Variants in DNAH3 observed in about 807,000 individuals in gnomAD.
DNAH3 encodes dynein axonemal heavy chain 3, also known as axonemal beta dynein heavy chain 3.
Under a neutral mutation model 432.5 loss-of-function variants are expected in DNAH3, and 332 were observed. The ratio of observed to expected loss-of-function variants is 0.77; its 90% CI spans 0.70 to 0.84. The LOEUF (loss-of-function observed/expected upper bound fraction) is 0.84. Among genes scored for constraint, DNAH3 ranks in the 40% least tolerant of loss-of-function variants. The pLI is 0.00. For synonymous variants in DNAH3, 1,956 were observed against 1,900.2 expected (o/e 1.03, Z -0.76); for missense variants, 4,861 against 5,114.0 (o/e 0.95, Z 1.51).
At chr16:20,985,093 T>C (rs1422680080) in exon 48 of DNAH3, 2 of 1,613,388 alleles carry the variant, frequency 1.2e-6, no homozygotes, top group Non-Finnish European at 1.7e-6. Flanking sequence ...AATAAAGAAG[T>C]TATACATAGA....
rs951680456 is a variant in DNAH3, at chr16:20,935,438, G to C, written c.11907C>G (p.Phe3969Leu). 2.5e-6 allele frequency: 4 copies of C among 1,612,068 alleles called. No individual in the cohort carries two copies. In the African/African-American group the frequency reaches 5.4e-5, roughly 22 times the overall value. Residue 3969 changes from phenylalanine to leucine, a missense_variant, in exon 61 of 62, where the codon TTC (phenylalanine) becomes TTG (leucine). Physicochemically the swap from Phe to Leu is conservative, Grantham distance 22. Coordinates refer to ENST00000261383, the Ensembl canonical transcript of DNAH3. The stretch of plus-strand genomic sequence containing the variant: ...CAGTCAAAAAAGACTGTGTGAAGTA[G>C]AATCCAGAGATCCAAAATACCACAG...
chr16:21,084,484 G>A (rs572084759), intron 19 of DNAH3, among the ~76,000 whole-genome samples: 8 of 152,000 alleles, frequency 5.3e-5, no homozygotes, highest in African/African-American at 1.2e-4. Context: ...CACCACGCCC[G>A]GCTAATTTTT....
intron 1 of DNAH3, among the ~76,000 whole-genome samples, chr16:21,154,229 C>A (rs990255990): frequency 5.9e-5 from 9 of 152,198 alleles, no homozygotes; most frequent in African/African-American, 1.9e-4. Context: ...CATGGTGAAA[C>A]CCCGTCTCTA....
intron 9 of DNAH3, among the ~76,000 whole-genome samples, 184 bp downstream of exon 10, chr16:21,124,991 A>G (rs1254935174): frequency 2.0e-5 from 3 of 152,096 alleles, no homozygotes; most frequent in African/African-American, 2.4e-5. Flanking sequence ...GGAACATTCA[A>G]TATCCTTCTT....
At chr16:21,136,576 G>A (rs1456170167) in intron 5 of DNAH3, 63 bp from the exon 7 acceptor site, 4 of 1,488,876 alleles carry the variant, frequency 2.7e-6, no homozygotes, top group African/African-American at 1.4e-5. Context: ...CAACTGTCCT[G>A]CCCATCAGCT....
chr16:20,952,690 T>C (rs2084369904), intron 55 of DNAH3, 141 bp from the exon 56 acceptor site: 1 of 609,564 alleles, frequency 1.6e-6, no homozygotes, highest in South Asian at 1.8e-5. Context: ...AGGCCAACTA[T>C]TAGCCTGGAC....
chr16:21,053,189 CTTCT>C (rs1197516984), intron 28 of DNAH3, among the ~76,000 whole-genome samples: 1 of 152,120 alleles, frequency 6.6e-6, no homozygotes, highest in African/African-American at 2.4e-5. Flanking sequence ...GTGACAGAGT[CTTCT>C]TTATTACAGT....
At chr16:21,050,800 A>G (rs1157027744) in intron 29 of DNAH3, among the ~76,000 whole-genome samples, 1 of 152,258 alleles carries the variant, frequency 6.6e-6, no homozygotes, top group Non-Finnish European at 1.5e-5. Flanking sequence ...TAACCTCAGT[A>G]AATTAATACA....
chr16:20,957,780 C>T (rs2084629871), intron 54 of DNAH3, among the ~76,000 whole-genome samples: 1 of 117,656 alleles, frequency 8.5e-6, no homozygotes, highest in South Asian at 2.6e-4. Context: ...GCACTCCAGC[C>T]TGGGCAATAA....
intron 11 of DNAH3, among the ~76,000 whole-genome samples, chr16:21,117,980 G>GT (rs58911431): frequency 2.3e-3 from 341 of 151,168 alleles, no homozygotes; most frequent in African/African-American, 7.5e-3. Flanking sequence ...TCTCTCGTGG[G>GT]TTTTTTTTTG....
At chr16:20,951,293 A>T (rs886546282) in intron 56 of DNAH3, among the ~76,000 whole-genome samples, 4 of 150,994 alleles carry the variant, frequency 2.6e-5, no homozygotes, top group Non-Finnish European at 4.4e-5. Context: ...ATTCTTTTCC[A>T]CTCATAAAAC....
At chr16:21,064,598 T>C (rs1437144346) in intron 24 of DNAH3, among the ~76,000 whole-genome samples, 3 of 152,110 alleles carry the variant, frequency 2.0e-5, no homozygotes, top group African/African-American at 7.2e-5. Flanking sequence ...GATGTCAATT[T>C]CTCCCACTCC....
intron 1 of DNAH3, among the ~76,000 whole-genome samples, chr16:21,152,928 C>G (rs1567885845): frequency 1.3e-5 from 2 of 152,226 alleles, no homozygotes; most frequent in Non-Finnish European, 2.9e-5. Flanking sequence ...ACGAGCGCCA[C>G]CCCCTGCTCC....
At chr16:21,001,154 T>C (rs1597107448) in intron 42 of DNAH3, among the ~76,000 whole-genome samples, 1 of 152,182 alleles carries the variant, frequency 6.6e-6, no homozygotes, top group South Asian at 2.1e-4. Flanking sequence ...TTTTCCAATA[T>C]GGGGATTGTA....
At chr16:20,976,181 A>T (rs991705827) in intron 50 of DNAH3, among the ~76,000 whole-genome samples, 4 of 151,640 alleles carry the variant, frequency 2.6e-5, no homozygotes, top group African/African-American at 9.7e-5. Context: ...TCTCTACAAA[A>T]TTTTTTTTTA....
chr16:21,096,630 GT>G (rs1288944984), intron 18 of DNAH3, among the ~76,000 whole-genome samples: 1 of 151,908 alleles, frequency 6.6e-6, no homozygotes, highest in Non-Finnish European at 1.5e-5. Flanking sequence ...CAAACTCAAT[GT>G]ATTCAAGTTG....
At chr16:20,964,765 C>T (rs1036789033) in exon 53 of DNAH3, 1 of 1,614,136 alleles carries the variant, frequency 6.2e-7, no homozygotes, top group Non-Finnish European at 8.5e-7. Context: ...GTGGCTGAGA[C>T]TGAAGTCACT....
At chr16:20,987,482 G>A in intron 46 of DNAH3, 34 bp from the exon 47 acceptor site, 2 of 1,612,618 alleles carry the variant, frequency 1.2e-6, no homozygotes, top group Non-Finnish European at 1.7e-6. Context: ...CAAACGAGTG[G>A]AAGATGGTCC....
At chr16:20,987,569 C>A in intron 46 of DNAH3, 121 bp from the exon 47 acceptor site, 1 of 1,536,630 alleles carries the variant, frequency 6.5e-7, no homozygotes. Flanking sequence ...TTATAAAATG[C>A]TTAGCACAAT....
Sources: gnomAD v4.1 joint callset for allele counts (sites outside exome capture counted in the v4.1 genomes callset) on GRCh38, gnomAD v4.1.1 for gene constraint, MANE v1.5 for transcripts, NCBI Gene and HGNC (gene_info 2026-07-23, HGNC 2026-07-21) for gene names.